The following SOS1 variants were observed in gnomAD, a reference collection of about 807,000 sequenced individuals.
SOS1 encodes the protein son of sevenless homolog 1.
Under a neutral mutation model 157.6 loss-of-function variants are expected in SOS1, and 25 were observed. The observed-to-expected ratio is 0.16, with a 90% CI of 0.12 to 0.22. The LOEUF (loss-of-function observed/expected upper bound fraction) is 0.22, where lower values mean the gene tolerates loss of function less well. Among genes scored for constraint, SOS1 ranks in the 10% least tolerant of loss-of-function variants. The pLI is 1.00. For missense variants in SOS1, 1,237 were observed against 1,599.1 expected (o/e 0.77, Z 3.86); for synonymous variants, 528 against 534.0 (o/e 0.99, Z 0.16).
intron 1 of SOS1, among the ~76,000 whole-genome samples, chr2:39,110,743 G>C (rs544305186): frequency 3.4e-4 from 51 of 152,202 alleles, no homozygotes; most frequent in African/African-American, 1.1e-3. Flanking sequence ...ATCGGCAAAG[G>C]GTTCTTAGAT....
intron 1 of SOS1, among the ~76,000 whole-genome samples, chr2:39,118,966 G>A (rs780220895): frequency 4.0e-4 from 61 of 152,242 alleles, no homozygotes; most frequent in Non-Finnish European, 7.4e-4. Flanking sequence ...TTGCCTCTAA[G>A]CAAAATGGCC....
chr2:39,106,627 T>A lies in SOS1; in HGVS notation c.87+13709A>T, dbSNP rs918589969. 2.6e-4 allele frequency among the ~76,000 whole-genome samples: 38 copies of A among 147,696 alleles called. No homozygotes were observed. The South Asian group carries it at 7.7e-3, about 30-fold the overall frequency. ...CAAAAAAAAAAACAAAACATCTGAGTAATTCAGGGTCCATAAAACCAAATC... is the reference window on the plus strand; with the variant it reads ...CAAAAAAAAAAACAAAACATCTGAGAAATTCAGGGTCCATAAAACCAAATC... On this transcript the variant is annotated intron_variant, in intron 1 of 22. Coordinates refer to ENST00000402219, the MANE Select transcript of SOS1 (RefSeq NM_005633.4).
chr2:39,045,282 G>C (rs1267741660), intron 6 of SOS1, among the ~76,000 whole-genome samples: 1 of 151,114 alleles, frequency 6.6e-6, no homozygotes, highest in Non-Finnish European at 1.5e-5. Flanking sequence ...GAGTGTGTGT[G>C]TGTGTGTGTG....
chr2:39,000,000 A>G (rs1312117017), intron 17 of SOS1, among the ~76,000 whole-genome samples: 1 of 152,110 alleles, frequency 6.6e-6, no homozygotes, highest in African/African-American at 2.4e-5. Context: ...TCCTGGTGAG[A>G]TGATGAGGGC....
At chr2:38,997,086 T>A (rs1160990308) in intron 18 of SOS1, 48 bp from the exon 19 acceptor site, 1 of 1,132,098 alleles carries the variant, frequency 8.8e-7, no homozygotes, top group Non-Finnish European at 1.3e-6. Context: ...AATTATAAAT[T>A]CAGTTTGAAA....
chr2:39,103,998 G>A (rs2148210827), intron 1 of SOS1, among the ~76,000 whole-genome samples: 1 of 152,260 alleles, frequency 6.6e-6, no homozygotes, highest in East Asian at 1.9e-4. Context: ...ATGGGCAATG[G>A]TCCAGGCGCA....
chr2:39,035,633 CTAATTA>C, intron 6 of SOS1, 133 bp from the exon 7 acceptor site: 1 of 674,652 alleles, frequency 1.5e-6, no homozygotes, highest in Non-Finnish European at 2.7e-6. Flanking sequence ...TATATGACTA[CTAATTA>C]TAATTTTAAT....
At chr2:39,047,546 T>C (rs1670834403) in intron 6 of SOS1, among the ~76,000 whole-genome samples, 2 of 152,232 alleles carry the variant, frequency 1.3e-5, no homozygotes. Flanking sequence ...GTAACAATGC[T>C]GAGCATCTTT....
At chr2:39,043,266 A>C (rs1183779328) in intron 6 of SOS1, among the ~76,000 whole-genome samples, 1 of 152,244 alleles carries the variant, frequency 6.6e-6, no homozygotes, top group African/African-American at 2.4e-5. Flanking sequence ...AGAATACTAC[A>C]TTAAAACTTT....
chr2:39,044,039 AGTGGATCTTAGTGT>A (rs1407489779), intron 6 of SOS1, among the ~76,000 whole-genome samples: 1 of 152,204 alleles, frequency 6.6e-6, no homozygotes, highest in Non-Finnish European at 1.5e-5. Flanking sequence ...AACATTTTGA[AGTGGATCTTAGTGT>A]TCTTTCATGA....
At chr2:39,079,629 G>A (rs1299589368) in intron 1 of SOS1, among the ~76,000 whole-genome samples, 1 of 151,104 alleles carries the variant, frequency 6.6e-6, no homozygotes, top group Non-Finnish European at 1.5e-5. Context: ...TCAGTAGCTG[G>A]GATTACAGGC....
chr2:38,997,488 C>CAAGG, intron 17 of SOS1, 63 bp from the exon 18 acceptor site: 1 of 1,186,384 alleles, frequency 8.4e-7, no homozygotes, highest in Non-Finnish European at 1.2e-6. Flanking sequence ...TTTTCTGTTT[C>CAAGG]ATTAATTGTG....
chr2:39,049,097 T>C (rs1365969867), intron 6 of SOS1, among the ~76,000 whole-genome samples: 3 of 152,116 alleles, frequency 2.0e-5, no homozygotes, highest in Non-Finnish European at 4.4e-5. Context: ...TTTGTATTTT[T>C]AGTGGAGATG....
At chr2:39,028,223 G>T (rs985923241) in intron 8 of SOS1, among the ~76,000 whole-genome samples, 2 of 152,088 alleles carry the variant, frequency 1.3e-5, no homozygotes, top group African/African-American at 4.8e-5. Context: ...TGGTCCCTTA[G>T]AAATAAGTAA....
intron 20 of SOS1, 22 bp from the exon 21 acceptor site, chr2:38,989,336 A>C: frequency 6.3e-7 from 1 of 1,580,120 alleles, no homozygotes; most frequent in Non-Finnish European, 8.7e-7. Context: ...AACAAGAAAA[A>C]GTAGATTTTT....
intron 1 of SOS1, among the ~76,000 whole-genome samples, chr2:39,102,606 G>C (rs1003821860): frequency 1.3e-4 from 19 of 148,942 alleles, no homozygotes; most frequent in African/African-American, 4.7e-4. Context: ...GAAACAACAA[G>C]GATTTTGAAG....
chr2:39,002,299 T>C (rs1339721477), intron 17 of SOS1, among the ~76,000 whole-genome samples: 2 of 151,904 alleles, frequency 1.3e-5, no homozygotes, highest in Non-Finnish European at 2.9e-5. Context: ...CACTCCAGCC[T>C]GGGCAACAAA....
chr2:39,115,900 T>C (rs1395209292), intron 1 of SOS1, among the ~76,000 whole-genome samples: 3 of 152,194 alleles, frequency 2.0e-5, no homozygotes. Context: ...TCTATATTTA[T>C]GGCTTTACTT....
At chr2:39,000,876 C>T (rs72916902) in intron 17 of SOS1, among the ~76,000 whole-genome samples, 3,298 of 152,224 alleles carry the variant, frequency 0.022, 124 homozygotes, top group African/African-American at 0.074. Flanking sequence ...ATTTAAAAGA[C>T]AGGCCAGGAT....
Sources: gnomAD v4.1 joint callset for allele counts (sites outside exome capture counted in the v4.1 genomes callset) on GRCh38, gnomAD v4.1.1 for gene constraint, MANE v1.5 for transcripts, NCBI Gene and HGNC (gene_info 2026-07-23, HGNC 2026-07-21) for gene names.